Variants in HECW1 observed in about 807,000 individuals in gnomAD.
The protein encoded by HECW1 is HECT, C2 and WW domain containing E3 ubiquitin protein ligase 1.
Under a neutral mutation model 182.3 loss-of-function variants are expected in HECW1, and 61 were observed. That is an observed-to-expected ratio of 0.33 (90% CI 0.27 to 0.41). The LOEUF (loss-of-function observed/expected upper bound fraction) is 0.41, where lower values mean the gene tolerates loss of function less well. Ranked by LOEUF, HECW1 falls within the 10% of genes least tolerant of loss-of-function variation. The probability of loss-of-function intolerance (pLI) is 1.00; values close to 1 mark genes in which losing one functional copy is unlikely to be tolerated. For synonymous variants in HECW1, 859 were observed against 832.6 expected (o/e 1.03, Z -0.55); for missense variants, 1,739 against 2,108.9 (o/e 0.82, Z 3.44).
At chr7:43,333,483 A>C (rs1246542173) in intron 5 of HECW1, among the ~76,000 whole-genome samples, 1 of 152,210 alleles carries the variant, frequency 6.6e-6, no homozygotes, top group East Asian at 1.9e-4. Context: ...CTTATTCCCT[A>C]CAGAAAATTT....
intron 5 of HECW1, among the ~76,000 whole-genome samples, chr7:43,341,339 A>G (rs1046171017): frequency 8.5e-6 from 1 of 117,858 alleles, no homozygotes; most frequent in African/African-American, 4.3e-5. Context: ...TAAATAAATA[A>G]ATAAATAAAT....
chr7:43,127,663 A>G (rs529133768), intron 2 of HECW1, among the ~76,000 whole-genome samples: 13 of 152,274 alleles, frequency 8.5e-5, no homozygotes, highest in African/African-American at 2.2e-4. Context: ...CAAGTCCCTA[A>G]TTCTCTCCAA....
chr7:43,332,708 C>A (rs74653984), intron 5 of HECW1, among the ~76,000 whole-genome samples: 4,769 of 152,178 alleles, frequency 0.031, 246 homozygotes, highest in African/African-American at 0.11. Context: ...CTGCAAGGTC[C>A]GACCCCTGGG....
At chr7:43,136,504 G>A (rs1322061231) in intron 2 of HECW1, among the ~76,000 whole-genome samples, 1 of 152,222 alleles carries the variant, frequency 6.6e-6, no homozygotes, top group Non-Finnish European at 1.5e-5. Context: ...GTTGTAGAAA[G>A]AGACTGCTTA....
chr7:43,489,959 T>C (rs1202194472), intron 17 of HECW1, among the ~76,000 whole-genome samples: 2 of 152,224 alleles, frequency 1.3e-5, no homozygotes, highest in African/African-American at 2.4e-5. Context: ...AGTTTTATGC[T>C]GGTCTCAGAG....
Position 43,432,349 on chromosome 7 carries a change from C to T in HECW1, c.802-5654C>T, listed in dbSNP as rs1273935744. 2.0e-5 allele frequency among the ~76,000 whole-genome samples: 3 copies of T among 151,830 alleles called. No homozygotes were observed. Among genetic ancestry groups the T allele is most frequent in the South Asian group, 2.1e-4 (1 of 4,816 alleles). ...AGAGACGGGGTTTCACCGTTTTAGCCGGGATGGTCTCGATCTCCTGACCTC... is the reference window on the plus strand; with the variant it reads ...AGAGACGGGGTTTCACCGTTTTAGCTGGGATGGTCTCGATCTCCTGACCTC... On this transcript the variant is annotated intron_variant, in intron 8 of 29. Transcript: ENST00000395891. This position sits in a 1 kb window ranked among gnomAD's most constrained non-coding sequence, Gnocchi z 4.1.
chr7:43,268,690 T>C (rs552823694), intron 3 of HECW1, among the ~76,000 whole-genome samples: 1 of 152,238 alleles, frequency 6.6e-6, no homozygotes, highest in South Asian at 2.1e-4. Flanking sequence ...TCCACTGGGC[T>C]TTTCCACTTC....
intron 2 of HECW1, among the ~76,000 whole-genome samples, chr7:43,125,479 G>A (rs908033558): frequency 7.9e-5 from 12 of 151,888 alleles, no homozygotes; most frequent in African/African-American, 1.9e-4. Flanking sequence ...GGCATTGGTC[G>A]GGTGTGGTGG....
chr7:43,487,428 C>T (rs2078687480), intron 17 of HECW1, among the ~76,000 whole-genome samples: 1 of 152,192 alleles, frequency 6.6e-6, no homozygotes, highest in South Asian at 2.1e-4. Flanking sequence ...AAAGTAGTCC[C>T]TACTACAAAC....
chr7:43,224,233 A>G (rs1203487061), intron 2 of HECW1, among the ~76,000 whole-genome samples: 2 of 152,236 alleles, frequency 1.3e-5, no homozygotes, highest in Non-Finnish European at 2.9e-5. Flanking sequence ...AATGTAAAAC[A>G]TCATGCATTT....
intron 3 of HECW1, among the ~76,000 whole-genome samples, chr7:43,264,649 T>G (rs973110987): frequency 6.6e-5 from 10 of 152,042 alleles, no homozygotes; most frequent in Middle Eastern, 3.4e-3. Context: ...ACCAAGACCA[T>G]CCTGGCTAAC....
intron 2 of HECW1, among the ~76,000 whole-genome samples, chr7:43,133,277 T>C (rs1787158191): frequency 6.6e-6 from 1 of 151,780 alleles, no homozygotes; most frequent in South Asian, 2.1e-4. Flanking sequence ...TAAATAAGAT[T>C]AGTTTGCATT....
chr7:43,370,973 C>T (rs1817279954), intron 6 of HECW1, among the ~76,000 whole-genome samples: 1 of 151,720 alleles, frequency 6.6e-6, no homozygotes, highest in Non-Finnish European at 1.5e-5. Context: ...CTGCAAGCTC[C>T]ACTTCCTGGG....
intron 6 of HECW1, among the ~76,000 whole-genome samples, chr7:43,373,985 G>A (rs10282382): frequency 0.33 from 49,442 of 151,974 alleles, 8,334 homozygotes; most frequent in East Asian, 0.52. Flanking sequence ...CCCTTTTTAA[G>A]GCTGAATAGT....
chr7:43,114,504 A>C, intron 2 of HECW1, 113 bp downstream of exon 2: 2 of 954,440 alleles, frequency 2.1e-6, no homozygotes, highest in Non-Finnish European at 1.4e-6. Flanking sequence ...TGGTAGAGAG[A>C]TAGATTGTGG....
intron 2 of HECW1, among the ~76,000 whole-genome samples, chr7:43,149,104 A>T (rs1448500945): frequency 1.3e-5 from 2 of 152,170 alleles, no homozygotes; most frequent in African/African-American, 2.4e-5. Context: ...GAAGCTAAAA[A>T]GTTTTAGGAG....
chr7:43,224,994 C>T (rs556439208), intron 2 of HECW1, among the ~76,000 whole-genome samples: 57 of 152,160 alleles, frequency 3.7e-4, no homozygotes, highest in African/African-American at 1.3e-3. Context: ...CTGCAGGCAA[C>T]TCGGGGCCTA....
chr7:43,450,017 A>C (rs2077181663), intron 11 of HECW1, among the ~76,000 whole-genome samples: 1 of 152,216 alleles, frequency 6.6e-6, no homozygotes, highest in Non-Finnish European at 1.5e-5. Flanking sequence ...AATCTGAGGC[A>C]TGCATCCTGT....
chr7:43,243,923 T>C lies in HECW1; in HGVS notation c.18T>C (p.Cys6=), dbSNP rs1799121916. The C allele has an allele frequency of 6.2e-7, 1 of 1,611,734 alleles. No homozygotes were observed. Among genetic ancestry groups the C allele is most frequent in the Middle Eastern group, 1.7e-4 (1 of 6,058 alleles). ...GGGTCATTATGCTGCTGCACCTGTGTAGTGTGAAGGTCAGTGTGCTTTTCT... is the reference window on the plus strand; with the variant it reads ...GGGTCATTATGCTGCTGCACCTGTGCAGTGTGAAGGTCAGTGTGCTTTTCT... MLLHL[C]SVKNLYQNRF... Residue 6 remains cysteine, a synonymous_variant, in exon 3 of 30, where the codon TGT becomes TGC. Transcript: ENST00000395891. The surrounding 1 kb of genome is among the most constrained non-coding windows in gnomAD (Gnocchi z 4.0).
Sources: allele counts gnomAD v4.1 joint callset (sites outside exome capture counted in the v4.1 genomes callset), GRCh38; gene constraint gnomAD v4.1.1; non-coding constraint Gnocchi (gnomAD v3.1); transcripts MANE v1.5; gene names NCBI Gene and HGNC (gene_info 2026-07-23, HGNC 2026-07-21).